Variants in TENM3 observed in about 807,000 individuals in gnomAD.
TENM3 encodes the protein teneurin transmembrane protein 3.
A neutral mutation model predicts 255.1 loss-of-function variants in TENM3; 63 were observed. The observed-to-expected ratio is 0.25, with a 90% confidence interval of 0.20 to 0.30. TENM3 has a LOEUF of 0.30. Among genes scored for constraint, TENM3 ranks in the 10% least tolerant of loss-of-function variants. The pLI is 1.00. For synonymous variants in TENM3, 1,306 were observed against 1,322.3 expected (o/e 0.99, Z 0.27); for missense variants, 2,929 against 3,461.1 (o/e 0.85, Z 3.86).
At chr4:182,620,995 C>T (rs530099748) in intron 4 of TENM3, among the ~76,000 whole-genome samples, 1 of 152,078 alleles carries the variant, frequency 6.6e-6, no homozygotes, top group Non-Finnish European at 1.5e-5. Context: ...TCCTGGCTAA[C>T]AAAGTGAAAC....
intron 5 of TENM3, among the ~76,000 whole-genome samples, chr4:182,640,242 T>C (rs1752186017): frequency 6.6e-6 from 1 of 152,210 alleles, no homozygotes; most frequent in Admixed American, 6.5e-5. Flanking sequence ...TGTAAAATAC[T>C]GACTTACAAA....
intron 3 of TENM3, among the ~76,000 whole-genome samples, chr4:182,590,624 C>G (rs1417163971): frequency 6.7e-6 from 1 of 149,576 alleles, no homozygotes; most frequent in Non-Finnish European, 1.5e-5. Context: ...CTTTGGGGGG[C>G]TGAGGCAGGT....
chr4:181,954,259 A>G, the TENM3 span, among the ~76,000 whole-genome samples: 2 of 152,190 alleles, frequency 1.3e-5, no homozygotes, highest in Admixed American at 6.5e-5. Flanking sequence ...TTATAAGGAC[A>G]TATGTCTTCA....
At chr4:182,627,771 G>A (rs1750964115) in intron 4 of TENM3, among the ~76,000 whole-genome samples, 2 of 152,112 alleles carry the variant, frequency 1.3e-5, no homozygotes. Context: ...ATTAAAATTA[G>A]TTACCTTTCC....
At chr4:182,294,285 T>A (rs1001491570) in intron 1 of TENM3, among the ~76,000 whole-genome samples, 1 of 152,102 alleles carries the variant, frequency 6.6e-6, no homozygotes, top group Admixed American at 6.6e-5. Flanking sequence ...TTTTTAAGAT[T>A]TCTAGATTGA....
the TENM3 span, among the ~76,000 whole-genome samples, chr4:181,809,713 T>A: frequency 6.6e-6 from 1 of 152,156 alleles, no homozygotes; most frequent in Non-Finnish European, 1.5e-5. Flanking sequence ...AAATTAAGGA[T>A]CCTGAGAAGG....
chr4:181,927,304 G>T, the TENM3 span, among the ~76,000 whole-genome samples: 15 of 152,340 alleles, frequency 9.8e-5, no homozygotes, highest in African/African-American at 3.6e-4. Context: ...ACAGCAGTCT[G>T]AAATCGACCT....
chr4:182,567,929 AG>A (rs1346383809), intron 3 of TENM3, among the ~76,000 whole-genome samples: 1 of 152,110 alleles, frequency 6.6e-6, no homozygotes, highest in East Asian at 1.9e-4. Flanking sequence ...ATGCATAGTA[AG>A]TGCTTCAAAA....
chr4:182,657,873 C>T (rs1418447574), intron 6 of TENM3, among the ~76,000 whole-genome samples: 1 of 152,132 alleles, frequency 6.6e-6, no homozygotes, highest in Non-Finnish European at 1.5e-5. Context: ...CCCAGGCTGC[C>T]TTGAACTCCT....
intron 3 of TENM3, among the ~76,000 whole-genome samples, chr4:182,543,881 G>T (rs1741152805): frequency 6.6e-6 from 1 of 151,750 alleles, no homozygotes; most frequent in African/African-American, 2.4e-5. Context: ...TTATTCTTTG[G>T]AATACCAATT....
chr4:181,588,973 T>C, the TENM3 span, among the ~76,000 whole-genome samples: 1 of 152,206 alleles, frequency 6.6e-6, no homozygotes, highest in Non-Finnish European at 1.5e-5. Flanking sequence ...GTTAAAATTA[T>C]CCTCCTTATT....
chr4:181,490,744 A>G, the TENM3 span, among the ~76,000 whole-genome samples: 1 of 152,198 alleles, frequency 6.6e-6, no homozygotes, highest in Non-Finnish European at 1.5e-5. Context: ...GTAATAACTT[A>G]CATTATTCCT....
At chr4:182,409,623 T>A (rs1407083714) in intron 3 of TENM3, among the ~76,000 whole-genome samples, 2 of 152,208 alleles carry the variant, frequency 1.3e-5, no homozygotes, top group Non-Finnish European at 2.9e-5. Context: ...AGCCGTCTAC[T>A]GACATGGGTG....
the TENM3 span, among the ~76,000 whole-genome samples, chr4:181,625,820 A>AAAT: frequency 2.7e-5 from 4 of 147,784 alleles, no homozygotes; most frequent in East Asian, 2.0e-4. Context: ...TCTCAAAAAA[A>AAAT]AATAATAATA....
chr4:182,800,095 A>C lies in TENM3; in HGVS notation c.7844A>C (p.Glu2615Ala). 1 of 1,584,126 alleles carries C rather than the reference A, an allele frequency of 6.3e-7. No homozygotes were observed. Residue 2615 changes from glutamate to alanine, a missense_variant, in exon 28 of 28, where the codon GAG (glutamate) becomes GCG (alanine). By Grantham distance (107) the Glu-to-Ala change is moderately radical. Around this residue, in one of 6 missense-constraint regions of TENM3, gnomAD observed 476 missense variants for 480.1 expected, o/e 0.99. Coordinates refer to ENST00000511685, the MANE Select transcript of TENM3 (RefSeq NM_001080477.4). ...GTGCGCTACGGCATGACCCTGGACGAGGAGAAGGCGCGCATCCTGGAGCAG... is the reference window on the plus strand; with the variant it reads ...GTGCGCTACGGCATGACCCTGGACGCGGAGAAGGCGCGCATCCTGGAGCAG... ...LHVRYGMTLDEEKARILEQAR... is the reference protein window; with the variant it reads ...LHVRYGMTLDAEKARILEQAR...
At chr4:181,560,724 G>A in the TENM3 span, among the ~76,000 whole-genome samples, 2 of 152,126 alleles carry the variant, frequency 1.3e-5, no homozygotes, top group Non-Finnish European at 2.9e-5. Flanking sequence ...GACTCTACCC[G>A]TGAGGAACCA....
At chr4:182,165,416 C>G (rs933968138) in intron 1 of TENM3, among the ~76,000 whole-genome samples, 3 of 152,178 alleles carry the variant, frequency 2.0e-5, no homozygotes, top group African/African-American at 7.2e-5. Context: ...GGTTGATAAG[C>G]AAGCTGACTT....
chr4:182,090,879 A>G, the TENM3 span, among the ~76,000 whole-genome samples: 1 of 152,304 alleles, frequency 6.6e-6, no homozygotes, highest in East Asian at 1.9e-4. Context: ...GAGAAATAAT[A>G]ACCATTTATT....
In TENM3 at chr4:182,628,729, C is replaced by G; in HGVS notation, c.828C>G (p.Gly276=). ...TATPGYTMAS[G]SVYSPPTRPL... is the part of the protein sequence containing the mutation. The stretch of plus-strand genomic sequence containing the variant: ...CCCCAGGATACACAATGGCATCTGG[C>G]TCTGTTTATTCACCACCTACTCGGC... The change falls in exon 5 of 28, where the codon GGC becomes GGG. Residue 276 remains glycine (G), a synonymous_variant. Transcript: ENST00000511685. The G allele has an allele frequency of 6.2e-7, 1 of 1,609,242 alleles. No homozygotes were observed. The highest frequency in any genetic ancestry group is 8.5e-7 in the Non-Finnish European group (1 of 1,177,738).
Sources: allele counts gnomAD v4.1 joint callset (sites outside exome capture counted in the v4.1 genomes callset), GRCh38; gene constraint gnomAD v4.1.1; regional missense constraint gnomAD v4.1.1; transcripts MANE v1.5; gene names NCBI Gene and HGNC (gene_info 2026-07-23, HGNC 2026-07-21).